The following NPLOC4 variants were observed in gnomAD, a reference collection of about 807,000 sequenced individuals.
NPLOC4 encodes NPL4 homolog, ubiquitin recognition factor.
A neutral mutation model predicts 80.6 loss-of-function variants in NPLOC4; 18 were observed. The ratio of observed to expected loss-of-function variants is 0.22; its 90% confidence interval spans 0.15 to 0.33. The LOEUF (loss-of-function observed/expected upper bound fraction) is 0.33. Ranked by LOEUF, NPLOC4 falls within the 10% of genes least tolerant of loss-of-function variation. The pLI is 1.00. For missense variants in NPLOC4, 540 were observed against 786.1 expected (o/e 0.69, Z 3.74); for synonymous variants, 313 against 301.5 (o/e 1.04, Z -0.39).
chr17:81,592,757 G>A (rs577239077), intron 11 of NPLOC4, among the ~76,000 whole-genome samples: 1 of 152,310 alleles, frequency 6.6e-6, no homozygotes, highest in South Asian at 2.1e-4. Flanking sequence ...GCCGAGACAG[G>A]CGGATCACTT....
At chr17:81,632,989 G>GC (rs934100465) in intron 1 of NPLOC4, among the ~76,000 whole-genome samples, 5 of 152,008 alleles carry the variant, frequency 3.3e-5, no homozygotes, top group African/African-American at 9.7e-5. Context: ...CATTAGCCAG[G>GC]CGTGGTGGAG....
Position 81,559,128 on chromosome 17 carries a change from C to G in NPLOC4, c.*131G>C, listed in dbSNP as rs537936874. ...AGAAGCTTCAGTGGGTCAGGGAGCC[C>G]AGGACAGCCAGCCCCTTGTTCCTCC... On this transcript the variant is annotated 3_prime_UTR_variant, in exon 17 of 17. Transcript: ENST00000331134. 5 of 1,076,572 alleles carry G rather than the reference C, an allele frequency of 4.6e-6. No individual in the cohort carries two copies. The highest frequency in any genetic ancestry group is 6.5e-6 in the Non-Finnish European group (5 of 772,674). 66.7% of individuals were successfully genotyped at this position (1,076,572 alleles called of 1,614,324 possible). A position where few individuals can be genotyped will look rare whatever the true frequency, so the allele number is the denominator to read the frequency against.
chr17:81,594,273 TCAAAAA>T (rs1395854245), intron 11 of NPLOC4, among the ~76,000 whole-genome samples: 1 of 14,194 alleles, frequency 7.0e-5, no homozygotes, highest in African/African-American at 2.3e-4. Context: ...AGACTCCGTC[TCAAAAA>T]AAAAAAAAAA....
chr17:81,635,803 C>A (rs1389021901), intron 1 of NPLOC4, among the ~76,000 whole-genome samples: 1 of 152,156 alleles, frequency 6.6e-6, no homozygotes, highest in Non-Finnish European at 1.5e-5. Context: ...CTAAGCTTCC[C>A]CCAGAAATCC....
intron 11 of NPLOC4, among the ~76,000 whole-genome samples, chr17:81,593,168 A>T (rs2034797207): frequency 6.6e-6 from 1 of 152,132 alleles, no homozygotes; most frequent in Admixed American, 6.5e-5. Context: ...TGTTTTATAA[A>T]TAGCCACAAA....
At chr17:81,632,901 G>A (rs1444425338) in intron 1 of NPLOC4, among the ~76,000 whole-genome samples, 2 of 152,058 alleles carry the variant, frequency 1.3e-5, no homozygotes, top group South Asian at 2.1e-4. Flanking sequence ...CACCCAATAT[G>A]TTCTCAACTT....
intron 2 of NPLOC4, among the ~76,000 whole-genome samples, chr17:81,626,186 C>T (rs1218616804): frequency 6.7e-6 from 1 of 149,452 alleles, no homozygotes; most frequent in Admixed American, 6.7e-5. Flanking sequence ...TGAGCTGGCA[C>T]GTGCCTGTAA....
In NPLOC4 at chr17:81,558,866, G is replaced by A. The variant is rs1383357649; in HGVS notation, c.*393C>T. 6.2e-6 allele frequency: 1 copy of A among 160,148 alleles called. No individual in the cohort carries two copies. The highest frequency in any genetic ancestry group is 1.4e-5 in the Non-Finnish European group (1 of 73,296). The allele number at this position is 160,148 out of a possible 1,614,324, so 9.9% of individuals were successfully genotyped here. On this transcript the variant is annotated 3_prime_UTR_variant, in exon 17 of 17. Transcript: ENST00000331134. ...TCCCAGCCAGAAAAACATGGGGGCA[G>A]GGAGGCCAAACAAAAAGCACTGAAA...
intron 13 of NPLOC4, among the ~76,000 whole-genome samples, chr17:81,570,634 A>G (rs1025666883): frequency 6.6e-6 from 1 of 152,150 alleles, no homozygotes; most frequent in African/African-American, 2.4e-5. Flanking sequence ...TACCCTACCC[A>G]TCGTCTATCA....
chr17:81,581,175 C>A lies in NPLOC4; in HGVS notation c.1281+7769G>T, dbSNP rs550489893. On this transcript the variant is annotated intron_variant, in intron 12 of 16. Transcript: ENST00000331134. Reference sequence around the variant, plus strand: ...GACCAGCCTGGCCAACATGGCGAAACCCTGTCGCTACTAAAAATACAAAAA... The same window carrying A: ...GACCAGCCTGGCCAACATGGCGAAAACCTGTCGCTACTAAAAATACAAAAA... 5.3e-5 allele frequency among the ~76,000 whole-genome samples: 8 copies of A among 151,994 alleles called. No homozygotes were observed. In the South Asian group the frequency reaches 1.5e-3, roughly 28 times the overall value.
chr17:81,579,433 C>T (rs1311108109), intron 12 of NPLOC4, among the ~76,000 whole-genome samples: 2 of 152,096 alleles, frequency 1.3e-5, no homozygotes, highest in African/African-American at 4.8e-5. Flanking sequence ...ATTTGAGACC[C>T]TCCTGCTGCC....
chr17:81,564,109 C>T, intron 16 of NPLOC4: 1 of 334,552 alleles, frequency 3.0e-6, no homozygotes, highest in South Asian at 2.2e-5. Context: ...CACACACACA[C>T]ACACACACAA....
intron 16 of NPLOC4, chr17:81,565,023 T>C (rs767528006): frequency 6.9e-6 from 3 of 437,600 alleles, no homozygotes; most frequent in Non-Finnish European, 1.2e-5. Context: ...CAGGACCTGG[T>C]GACTGAGGGT....
rs563604661 is a variant in NPLOC4 at position 81,561,261 on chromosome 17, T to C, written c.1670-1845A>G. ...CGTGAGCTACCATGCCCGACCTGCA[T>C]TTCCTTTTGTGAAACGTTTCACCCT... On this transcript the variant is annotated intron_variant, in intron 16 of 16. Coordinates refer to ENST00000331134, the MANE Select transcript of NPLOC4 (RefSeq NM_017921.4). Among the ~76,000 whole-genome samples, 5 of 152,228 alleles carry C rather than the reference T, an allele frequency of 3.3e-5. No homozygotes were observed. The South Asian group carries it at 1.0e-3, about 32-fold the overall frequency.
chr17:81,606,834 C>CTTAA lies in NPLOC4; in HGVS notation c.531-24_531-21dup, dbSNP rs10695650. ...TTCCCCCTACATAGAAGAGAAGCAA[C>CTTAA]TTAAACATCACATTGGTGAAAAGTT... On this transcript the variant is annotated intron_variant, in intron 6 of 16. Coordinates refer to ENST00000331134, the MANE Select transcript of NPLOC4 (RefSeq NM_017921.4). 0.51 allele frequency: 812,595 copies of CTTAA among 1,600,728 alleles called. 214,151 individuals carry two copies. The highest frequency in any genetic ancestry group is 0.55 in the Non-Finnish European group (642,197 of 1,171,438).
At chr17:81,604,819 A>G (rs2035155604) in intron 7 of NPLOC4, 92 bp from the exon 8 acceptor site, 1 of 1,209,986 alleles carries the variant, frequency 8.3e-7, no homozygotes, top group Admixed American at 2.4e-5. Context: ...AATATCTTTT[A>G]CCTAGTTCTT....
chr17:81,605,071 C>T (rs531522644), intron 7 of NPLOC4, among the ~76,000 whole-genome samples: 1 of 150,586 alleles, frequency 6.6e-6, no homozygotes, highest in Non-Finnish European at 1.5e-5. Context: ...CCATCCTGAC[C>T]AACATGATGA....
Position 81,558,899 on chromosome 17 carries a change from G to A in NPLOC4, c.*360C>T, listed in dbSNP as rs556523292. On this transcript the variant is annotated 3_prime_UTR_variant, in exon 17 of 17. Transcript: ENST00000331134. ...AAACAAAAAGCACTGAAAATAAAGA[G>A]AAGGCTGGGTGGTGGCAGCATCGGC... 1.3e-4 allele frequency: 23 copies of A among 181,972 alleles called. No homozygotes were observed. In the South Asian group the frequency reaches 2.7e-3, roughly 21 times the overall value. 11.3% of individuals were successfully genotyped at this position (181,972 alleles called of 1,614,324 possible).
intron 12 of NPLOC4, among the ~76,000 whole-genome samples, chr17:81,581,628 A>G (rs1568129109): frequency 6.6e-6 from 1 of 152,178 alleles, no homozygotes; most frequent in Admixed American, 6.5e-5. Flanking sequence ...CACAACGATT[A>G]CAGAAATCAG....
Sources: gnomAD v4.1 joint callset for allele counts (sites outside exome capture counted in the v4.1 genomes callset) on GRCh38, gnomAD v4.1.1 for gene constraint, MANE v1.5 for transcripts, NCBI Gene and HGNC (gene_info 2026-07-23, HGNC 2026-07-21) for gene names.